SUGCT: variants seen among roughly 807,000 people sequenced by gnomAD.
SUGCT encodes the protein succinyl-CoA:glutarate-CoA transferase.
In SUGCT, 41 loss-of-function variants were observed where a neutral mutation model predicts 55.0. The ratio of observed to expected loss-of-function variants is 0.74; its 90% CI spans 0.58 to 0.97. The LOEUF is 0.97. SUGCT is among the 50% of genes least tolerant of loss of function. The pLI, the probability that SUGCT is intolerant of heterozygous loss-of-function variation, is 0.00. For missense variants in SUGCT, 568 were observed against 547.8 expected, an observed-to-expected ratio of 1.04 and a Z score of -0.37; for synonymous variants, 187 against 200.4, an observed-to-expected ratio of 0.93 and a Z score of 0.56.
intron 9 of SUGCT, among the ~76,000 whole-genome samples, chr7:40,429,537 G>A (rs760074523): frequency 1.9e-4 from 29 of 152,188 alleles, no homozygotes; most frequent in Non-Finnish European, 3.8e-4. Flanking sequence ...AGGTCCACGA[G>A]TCCAAAAGCT....
rs60720770 is a variant in SUGCT, at chr7:40,236,442, C to CAAAAAAAAAAAAAAAAA, written c.485-1192_485-1176dup. ...GTGTTCTGTTGATTCTTTCTGATGG[C>CAAAAAAAAAAAAAAAAA]AAAAAAAAAAAAAAAAATTTGACAC... On this transcript the variant is annotated intron_variant, in intron 6 of 13. Coordinates refer to ENST00000335693, the MANE Select transcript of SUGCT (RefSeq NM_001193313.2). 1.6e-4 allele frequency among the ~76,000 whole-genome samples: 14 copies of CAAAAAAAAAAAAAAAAA among 90,014 alleles called. 2 individuals are homozygous for CAAAAAAAAAAAAAAAAA. Among genetic ancestry groups the CAAAAAAAAAAAAAAAAA allele is most frequent in the African/African-American group, 5.5e-4 (11 of 19,878 alleles). The allele number at this position is 90,014 out of a possible 152,430, so 59.1% of individuals were successfully genotyped here.
chr7:40,398,086 C>T lies in SUGCT; in HGVS notation c.817-51201C>T, dbSNP rs1156596347. 2.6e-5 allele frequency among the ~76,000 whole-genome samples: 4 copies of T among 152,182 alleles called. No individual in the cohort carries two copies. In the East Asian group the frequency reaches 7.7e-4, roughly 29 times the overall value. On this transcript the variant is annotated intron_variant, in intron 9 of 13. Coordinates refer to ENST00000335693, the MANE Select transcript of SUGCT (RefSeq NM_001193313.2). The stretch of plus-strand genomic sequence containing the variant: ...GTTGAATATTCCACGTTCTCTATTT[C>T]TTTTTTCTTTTCTTTTCTTTTTTTG...
rs1168491575 is a variant in SUGCT, at chr7:40,308,597, G to T, written c.721-8163G>T. On this transcript the variant is annotated intron_variant, in intron 8 of 13. Transcript: ENST00000335693. ...TTTTACACTTTCCTGACCTCATCTT[G>T]TACTACTGTCTCTTTTACTTACTAG... Among the ~76,000 whole-genome samples, 5 of 152,006 alleles carry T rather than the reference G, an allele frequency of 3.3e-5. No homozygotes were observed. The East Asian group carries it at 7.7e-4, about 23-fold the overall frequency.
chr7:40,719,336 C>T (rs1191321496), intron 12 of SUGCT, among the ~76,000 whole-genome samples: 15 of 152,170 alleles, frequency 9.9e-5, no homozygotes, highest in African/African-American at 9.7e-5. Flanking sequence ...TGTGATTATT[C>T]TTTAAATCTC....
the SUGCT span, among the ~76,000 whole-genome samples, chr7:40,912,898 T>C: frequency 2.0e-5 from 3 of 152,148 alleles, no homozygotes; most frequent in African/African-American, 7.2e-5. Flanking sequence ...TGATGCTGTT[T>C]AGATACTTGA....
chr7:40,667,684 G>A (rs1276669241), intron 12 of SUGCT, among the ~76,000 whole-genome samples: 2 of 151,698 alleles, frequency 1.3e-5, no homozygotes, highest in Non-Finnish European at 2.9e-5. Flanking sequence ...GGGAGACTGT[G>A]TATTTCCAGT....
chr7:40,145,136 T>C (rs1788177527), intron 1 of SUGCT, among the ~76,000 whole-genome samples: 1 of 152,230 alleles, frequency 6.6e-6, no homozygotes, highest in South Asian at 2.1e-4. Context: ...TTAAAATTAA[T>C]GTTTCAAAAC....
the SUGCT span, among the ~76,000 whole-genome samples, chr7:41,023,786 C>T: frequency 2.0e-3 from 302 of 148,222 alleles, no homozygotes; most frequent in African/African-American, 5.6e-3. Context: ...ATGTCCTTCA[C>T]GCCTCCTGTA....
chr7:40,398,278 G>C (rs1785853301), intron 9 of SUGCT, among the ~76,000 whole-genome samples: 1 of 152,062 alleles, frequency 6.6e-6, no homozygotes, highest in African/African-American at 2.4e-5. Flanking sequence ...TTTTAGTAGA[G>C]ACGGGGTTTT....
At chr7:40,375,587 T>A (rs1417909784) in intron 9 of SUGCT, among the ~76,000 whole-genome samples, 3 of 152,232 alleles carry the variant, frequency 2.0e-5, no homozygotes, top group Non-Finnish European at 4.4e-5. Flanking sequence ...TTAGACTCTT[T>A]ACCTATTAGC....
At chr7:40,563,390 C>A (rs1795947962) in intron 12 of SUGCT, among the ~76,000 whole-genome samples, 1 of 152,068 alleles carries the variant, frequency 6.6e-6, no homozygotes, top group African/African-American at 2.4e-5. Context: ...ACGTGGTTGC[C>A]TTCTAGGAAA....
At chr7:40,282,656 G>C (rs1793043554) in intron 8 of SUGCT, among the ~76,000 whole-genome samples, 1 of 151,938 alleles carries the variant, frequency 6.6e-6, no homozygotes, top group Non-Finnish European at 1.5e-5. Flanking sequence ...TATCACTTGA[G>C]GCCAGGAGTT....
the SUGCT span, among the ~76,000 whole-genome samples, chr7:40,994,172 C>A: frequency 6.6e-6 from 1 of 152,132 alleles, no homozygotes; most frequent in South Asian, 2.1e-4. Flanking sequence ...CAATGCAGAT[C>A]AGGACATGAC....
At chr7:40,978,329 T>C in the SUGCT span, among the ~76,000 whole-genome samples, 3 of 152,348 alleles carry the variant, frequency 2.0e-5, no homozygotes, top group Admixed American at 2.0e-4. Flanking sequence ...TCCAGGCTTC[T>C]TTGACTGCTG....
intron 12 of SUGCT, among the ~76,000 whole-genome samples, chr7:40,568,034 T>A (rs944288350): frequency 6.6e-6 from 1 of 152,184 alleles, no homozygotes; most frequent in Non-Finnish European, 1.5e-5. Flanking sequence ...TCAATATAAC[T>A]TGGGTATTTT....
intron 3 of SUGCT, among the ~76,000 whole-genome samples, chr7:40,187,433 A>T (rs1400085464): frequency 1.3e-5 from 2 of 152,082 alleles, no homozygotes; most frequent in Non-Finnish European, 2.9e-5. Flanking sequence ...CTTAAAGTAT[A>T]ATAATAAAAA....
At chr7:40,297,104 A>G (rs1161321099) in intron 8 of SUGCT, among the ~76,000 whole-genome samples, 1 of 152,066 alleles carries the variant, frequency 6.6e-6, no homozygotes, top group Non-Finnish European at 1.5e-5. Context: ...CTTTATGACT[A>G]TATTATTATT....
intron 12 of SUGCT, among the ~76,000 whole-genome samples, chr7:40,558,728 A>G (rs1795685885): frequency 6.6e-6 from 1 of 152,228 alleles, no homozygotes; most frequent in South Asian, 2.1e-4. Context: ...ACTTAGTGCA[A>G]TTGAATTGTA....
At chr7:40,705,376 A>T (rs546358365) in intron 12 of SUGCT, among the ~76,000 whole-genome samples, 162 of 152,324 alleles carry the variant, frequency 1.1e-3, no homozygotes, top group African/African-American at 3.8e-3. Context: ...TCAAGAGGTA[A>T]AACTGTTCCA....
Sources: allele counts gnomAD v4.1 joint callset (sites outside exome capture counted in the v4.1 genomes callset), GRCh38; gene constraint gnomAD v4.1.1; transcripts MANE v1.5; gene names NCBI Gene and HGNC (gene_info 2026-07-23, HGNC 2026-07-21).